AGL: variants seen among roughly 807,000 people sequenced by gnomAD.
AGL encodes the protein amylo-alpha-1,6-glucosidase and 4-alpha-glucanotransferase, also known as glycogen debranching enzyme.
A neutral mutation model predicts 199.3 loss-of-function variants in AGL; 128 were observed. That is an observed-to-expected ratio of 0.64 (90% CI 0.56 to 0.74). AGL has a LOEUF of 0.74. Ranked by LOEUF, AGL falls within the 30% of genes least tolerant of loss-of-function variation. AGL has a pLI of 0.00. For missense variants in AGL, 1,809 were observed against 1,820.8 expected (o/e 0.99, Z 0.12); for synonymous variants, 584 against 594.7 (o/e 0.98, Z 0.26).
intron 33 of AGL, among the ~76,000 whole-genome samples, chr1:99,917,977 T>C (rs976034205): frequency 3.6e-4 from 55 of 152,300 alleles, no homozygotes; most frequent in African/African-American, 1.3e-3. Flanking sequence ...ATAGTTGCCA[T>C]TTTCAGTGCT....
At chr1:99,905,372 TTTGTTGTTGTTGTTGTTG>T (rs150259594) in intron 27 of AGL, among the ~76,000 whole-genome samples, 3 of 151,012 alleles carry the variant, frequency 2.0e-5, no homozygotes, top group South Asian at 2.1e-4. Context: ...ATTTTTTGTA[TTTGTTGTTGTTGTTGTTG>T]TTGTTGTTGT....
chr1:99,919,762 C>T (rs371726809), intron 33 of AGL, among the ~76,000 whole-genome samples: 11 of 152,310 alleles, frequency 7.2e-5, no homozygotes, highest in Admixed American at 1.3e-4. Flanking sequence ...ATTGGGCCAT[C>T]ACCACCACAT....
chr1:99,881,656 T>G lies in AGL; in HGVS notation c.2273T>G (p.Phe758Cys). The stretch of plus-strand genomic sequence containing the variant: ...GCTTTCAGGAATCCCAAGACTTCAT[T>G]TTACAGCAAGGAAGTGCCTCAAATG... ...RTAFRNPKTS[F>C]YSKEVPQMCI... The change falls in exon 17 of 34, where the codon TTT (phenylalanine) becomes TGT (cysteine). Residue 758 changes from phenylalanine to cysteine, a missense_variant. Physicochemically the swap from Phe to Cys is radical, Grantham distance 205 (BLOSUM62 -2). Coordinates refer to ENST00000361915, the MANE Select transcript of AGL (RefSeq NM_000642.3). 1 of 1,613,948 alleles carries G rather than the reference T, an allele frequency of 6.2e-7. No homozygotes were observed. The highest frequency in any genetic ancestry group is 8.5e-7 in the Non-Finnish European group (1 of 1,179,930).
At chr1:99,906,509 C>T (rs61281267) in intron 27 of AGL, among the ~76,000 whole-genome samples, 7,900 of 152,212 alleles carry the variant, frequency 0.052, 245 homozygotes, top group African/African-American at 0.085. Context: ...AAACTCTATA[C>T]TCGTGAAACA....
intron 20 of AGL, among the ~76,000 whole-genome samples, chr1:99,887,565 T>C (rs1369300242): frequency 6.6e-6 from 1 of 152,182 alleles, no homozygotes; most frequent in African/African-American, 2.4e-5. Context: ...TAAAAAGTTC[T>C]TGATGTCTCA....
At chr1:99,913,196 GGTGGACAATACC>G (rs1209957247) in intron 29 of AGL, among the ~76,000 whole-genome samples, 44 of 151,838 alleles carry the variant, frequency 2.9e-4, no homozygotes, top group Admixed American at 1.6e-3. Flanking sequence ...CTCCAGCTTG[GGTGGACAATACC>G]AGACGCTGTC....
rs765927790 is a variant in AGL, at chr1:99,864,556, A to T, written c.631A>T (p.Ile211Phe). 2 of 1,613,858 alleles carry T rather than the reference A, an allele frequency of 1.2e-6. No individual in the cohort carries two copies. Among genetic ancestry groups the T allele is most frequent in the South Asian group, 2.2e-5 (2 of 91,070 alleles). The change falls in exon 5 of 34, where the codon ATT (isoleucine) becomes TTT (phenylalanine). Residue 211 changes from isoleucine to phenylalanine, a missense_variant. Transcript: ENST00000361915. ...AAAATTAAAAAAGGAATGGAATGTTATTTGTATTACTGATGTTGTCTACAA... is the reference window on the plus strand; with the variant it reads ...AAAATTAAAAAAGGAATGGAATGTTTTTTGTATTACTGATGTTGTCTACAA... Reference protein sequence around the residue: ...VEKLKKEWNVICITDVVYNHT... With the variant: ...VEKLKKEWNVFCITDVVYNHT...
At chr1:99,876,024 A>G (rs1162752311) in intron 10 of AGL, among the ~76,000 whole-genome samples, 17 of 152,060 alleles carry the variant, frequency 1.1e-4, no homozygotes, top group Admixed American at 1.1e-3. Flanking sequence ...ACAGAGGTGC[A>G]CCACCATGCC....
At chr1:99,920,411 C>T (rs1468812827) in intron 33 of AGL, among the ~76,000 whole-genome samples, 3 of 152,154 alleles carry the variant, frequency 2.0e-5, no homozygotes, top group Admixed American at 6.6e-5. Context: ...TGCAGTGACC[C>T]GATTTCCAAA....
chr1:99,920,958 A>G (rs1655474275), intron 33 of AGL, among the ~76,000 whole-genome samples: 2 of 152,202 alleles, frequency 1.3e-5, no homozygotes, highest in Admixed American at 1.3e-4. Flanking sequence ...AGGAATACTT[A>G]TGGTACCTTC....
chr1:99,920,393 A>G (rs1557797383), intron 33 of AGL, among the ~76,000 whole-genome samples: 1 of 152,254 alleles, frequency 6.6e-6, no homozygotes, highest in East Asian at 1.9e-4. Flanking sequence ...ATCTTAACTA[A>G]TTACATCTGC....
intron 2 of AGL, among the ~76,000 whole-genome samples, chr1:99,853,509 A>G (rs535645389): frequency 6.6e-6 from 1 of 152,342 alleles, no homozygotes; most frequent in Middle Eastern, 3.4e-3. Flanking sequence ...CCAATTACAC[A>G]ATGAGCACAG....
At chr1:99,874,106 T>A (rs1651267574) in intron 7 of AGL, among the ~76,000 whole-genome samples, 2 of 152,146 alleles carry the variant, frequency 1.3e-5, no homozygotes, top group African/African-American at 2.4e-5. Context: ...TAAACCTGTG[T>A]GCTTCTTTTA....
intron 24 of AGL, among the ~76,000 whole-genome samples, chr1:99,894,986 G>A (rs139516189): frequency 2.0e-5 from 3 of 152,120 alleles, no homozygotes; most frequent in Non-Finnish European, 4.4e-5. Context: ...AGTGAATGCT[G>A]TGTATATTTT....
At position 99,870,833 on chromosome 1, in the gene AGL, A is replaced by G. The variant is rs2101113540; in HGVS notation, c.922A>G (p.Lys308Glu). The stretch of plus-strand genomic sequence containing the variant: ...GGAATTTTTCCAAGTAGATGTCAAC[A>G]AAGCGGTTGAGCAATTTAGAAGACT... ...LWEFFQVDVN[K>E]AVEQFRRLLT... The change falls in exon 7 of 34, where the codon AAA (lysine) becomes GAA (glutamate). Residue 308 changes from lysine (K) to glutamate (E), a missense_variant. By Grantham distance (56) the Lys-to-Glu change is moderately conservative. Transcript: ENST00000361915. The G allele has an allele frequency of 6.2e-7, 1 of 1,610,238 alleles. No individual in the cohort carries two copies. The highest frequency in any genetic ancestry group is 8.5e-7 in the Non-Finnish European group (1 of 1,176,720).
chr1:99,880,556 A>G lies in AGL; in HGVS notation c.1736-76A>G, dbSNP rs867603456. ...TGATGTGGTCTTTATTTTGAAAATC[A>G]TTTATGAGAAGAAATCTAACCTCTT... On this transcript the variant is annotated intron_variant, in intron 13 of 33. Coordinates refer to ENST00000361915, the MANE Select transcript of AGL (RefSeq NM_000642.3). The G allele has an allele frequency of 6.7e-6, 10 of 1,489,922 alleles. No individual in the cohort carries two copies. The African/African-American group carries it at 9.7e-5, about 14-fold the overall frequency. The allele number at this position is 1,489,922 out of a possible 1,614,324, so 92.3% of individuals were successfully genotyped here. A position where few individuals can be genotyped will look rare whatever the true frequency, so the allele number is the denominator to read the frequency against.
In AGL at chr1:99,877,648, A is replaced by C; in HGVS notation, c.1431A>C (p.Glu477Asp). The stretch of plus-strand genomic sequence containing the variant: ...AATCTCTTTTCTGAACAGGTTCAGA[A>C]GTTTACCTAAGGAGAGAACTTATTT... ...PLRNFAEPGS[E>D]VYLRRELICW... Residue 477 changes from glutamate (E) to aspartate (D), a missense_variant, in exon 12 of 34, where the codon GAA (glutamate) becomes GAC (aspartate). Coordinates refer to ENST00000361915, the MANE Select transcript of AGL (RefSeq NM_000642.3). 1.2e-6 allele frequency: 2 copies of C among 1,614,008 alleles called. No homozygotes were observed. The highest frequency in any genetic ancestry group is 1.7e-6 in the Non-Finnish European group (2 of 1,179,932).
intron 7 of AGL, 124 bp downstream of exon 7, chr1:99,870,993 A>T (rs1650951924): frequency 1.5e-6 from 1 of 676,976 alleles, no homozygotes; most frequent in Non-Finnish European, 2.5e-6. Flanking sequence ...GTTATTGTTG[A>T]TATTATAAAA....
intron 10 of AGL, among the ~76,000 whole-genome samples, chr1:99,875,854 A>G (rs113904321): frequency 5.9e-5 from 9 of 152,300 alleles, no homozygotes; most frequent in African/African-American, 2.2e-4. Context: ...TTTGCAAAGT[A>G]ACATCAATGC....
Sources: allele counts gnomAD v4.1 joint callset (sites outside exome capture counted in the v4.1 genomes callset), GRCh38; gene constraint gnomAD v4.1.1; transcripts MANE v1.5; gene names NCBI Gene and HGNC (gene_info 2026-07-23, HGNC 2026-07-21).